Variants in CLSTN2 observed in about 807,000 individuals in gnomAD.
CLSTN2 encodes calsyntenin 2.
A neutral mutation model predicts 101.2 loss-of-function variants in CLSTN2; 48 were observed. The observed-to-expected ratio is 0.47, with a 90% CI of 0.38 to 0.60. The LOEUF is 0.60. Ranked by LOEUF, CLSTN2 falls within the 20% of genes least tolerant of loss-of-function variation. The pLI is 0.00. For missense variants in CLSTN2, 1,160 were observed against 1,238.2 expected (o/e 0.94, Z 0.95); for synonymous variants, 481 against 463.6 (o/e 1.04, Z -0.48).
intron 5 of CLSTN2, among the ~76,000 whole-genome samples, chr3:140,439,109 G>A (rs35757937): frequency 0.16 from 24,060 of 152,246 alleles, 2,434 homozygotes; most frequent in South Asian, 0.32. Context: ...ATGCTGGCAT[G>A]AGGGAACCAC....
chr3:140,080,846 G>A (rs963246261), intron 1 of CLSTN2, among the ~76,000 whole-genome samples: 1 of 152,292 alleles, frequency 6.6e-6, no homozygotes, highest in East Asian at 1.9e-4. Flanking sequence ...GGGTGAGTGC[G>A]TGGTGTGTTA....
chr3:140,499,208 A>C (rs1219063159), intron 8 of CLSTN2, among the ~76,000 whole-genome samples: 1 of 152,188 alleles, frequency 6.6e-6, no homozygotes, highest in African/African-American at 2.4e-5. Context: ...AGCTTCCACT[A>C]ACCCACTATG....
chr3:140,498,576 T>C (rs537942522), intron 8 of CLSTN2, among the ~76,000 whole-genome samples: 1 of 152,378 alleles, frequency 6.6e-6, no homozygotes, highest in South Asian at 2.1e-4. Flanking sequence ...AAATCTTGTA[T>C]TGATTTTATT....
intron 1 of CLSTN2, among the ~76,000 whole-genome samples, chr3:139,981,707 G>T (rs1376048324): frequency 6.6e-6 from 1 of 152,234 alleles, no homozygotes; most frequent in Admixed American, 6.5e-5. Context: ...CTATGTAGCT[G>T]CTTTGTGAGG....
chr3:140,497,426 C>T (rs1250461257), intron 8 of CLSTN2, among the ~76,000 whole-genome samples: 1 of 152,082 alleles, frequency 6.6e-6, no homozygotes, highest in Non-Finnish European at 1.5e-5. Context: ...CTGTGCTGTG[C>T]TATGGGGGAT....
chr3:140,391,305 T>G (rs2088111262), intron 2 of CLSTN2, among the ~76,000 whole-genome samples: 1 of 128,784 alleles, frequency 7.8e-6, no homozygotes, highest in South Asian at 2.5e-4. Context: ...TCCTCCAGGT[T>G]TCAGCTCCCC....
At chr3:140,362,936 G>A (rs1311431621) in intron 2 of CLSTN2, among the ~76,000 whole-genome samples, 3 of 152,058 alleles carry the variant, frequency 2.0e-5, no homozygotes, top group South Asian at 2.1e-4. Flanking sequence ...TTCCTAAAAC[G>A]TTAAATATAA....
chr3:140,180,718 G>T (rs1049962993), intron 2 of CLSTN2, among the ~76,000 whole-genome samples: 1 of 152,170 alleles, frequency 6.6e-6, no homozygotes, highest in African/African-American at 2.4e-5. Flanking sequence ...GGACAGGGCT[G>T]CAGAGAATGA....
At chr3:140,206,690 T>C (rs898754350) in intron 2 of CLSTN2, among the ~76,000 whole-genome samples, 1 of 152,210 alleles carries the variant, frequency 6.6e-6, no homozygotes, top group Non-Finnish European at 1.5e-5. Flanking sequence ...GGAGAGAGGC[T>C]GAGACTAGGT....
In CLSTN2 at chr3:140,044,964, T is replaced by A; in HGVS notation, c.109+109481T>A. Among the ~76,000 whole-genome samples the A allele has an allele frequency of 1.3e-5, 2 of 152,242 alleles. 1 individual carries two copies. Among genetic ancestry groups the A allele is most frequent in the Non-Finnish European group, 2.9e-5 (2 of 68,048 alleles). Reference sequence around the variant, plus strand: ...TTATTGAGGATTTTTGCATCGATGTTCATCAGGGATATTGGTCTAAAATTA... The same window carrying A: ...TTATTGAGGATTTTTGCATCGATGTACATCAGGGATATTGGTCTAAAATTA... On this transcript the variant is annotated intron_variant, in intron 1 of 16. Transcript: ENST00000458420.
chr3:140,225,923 A>AG (rs1460602297), intron 2 of CLSTN2, among the ~76,000 whole-genome samples: 1 of 152,124 alleles, frequency 6.6e-6, no homozygotes, highest in Non-Finnish European at 1.5e-5. Flanking sequence ...TTTTTAAAAA[A>AG]AAAAGGACTC....
At chr3:140,097,607 T>C (rs1036505363) in intron 1 of CLSTN2, among the ~76,000 whole-genome samples, 2 of 152,182 alleles carry the variant, frequency 1.3e-5, no homozygotes, top group Non-Finnish European at 2.9e-5. Flanking sequence ...TCCCACTCCA[T>C]GTGCTTTCGA....
intron 1 of CLSTN2, among the ~76,000 whole-genome samples, chr3:140,010,014 GGT>G (rs1385265759): frequency 6.6e-6 from 1 of 152,092 alleles, no homozygotes; most frequent in Non-Finnish European, 1.5e-5. Context: ...CCTCAGACTA[GGT>G]GTGTATTATT....
At chr3:140,033,453 A>G (rs987765484) in intron 1 of CLSTN2, among the ~76,000 whole-genome samples, 1 of 152,186 alleles carries the variant, frequency 6.6e-6, no homozygotes, top group African/African-American at 2.4e-5. Context: ...TTCCATTCCA[A>G]TGGTACCTTT....
At chr3:140,484,081 G>A (rs1934186431) in intron 8 of CLSTN2, among the ~76,000 whole-genome samples, 1 of 152,214 alleles carries the variant, frequency 6.6e-6, no homozygotes, top group Admixed American at 6.5e-5. Flanking sequence ...AATTTGGCAT[G>A]TTTTTGCAGT....
intron 1 of CLSTN2, among the ~76,000 whole-genome samples, chr3:140,093,109 G>T (rs1358905355): frequency 5.9e-5 from 9 of 152,146 alleles, no homozygotes; most frequent in Admixed American, 1.3e-4. Flanking sequence ...GGTGGGGAGA[G>T]AGAGAGGCTT....
chr3:140,390,214 TTC>T (rs988812558), intron 2 of CLSTN2, among the ~76,000 whole-genome samples: 1 of 152,162 alleles, frequency 6.6e-6, no homozygotes, highest in South Asian at 2.1e-4. Context: ...TGATTTTATA[TTC>T]TCTTTCTTTT....
In CLSTN2 at chr3:140,362,624, AAATC is replaced by A. The variant is rs537024736; in HGVS notation, c.233-41002_233-40999del. On this transcript the variant is annotated intron_variant, in intron 2 of 16. Transcript: ENST00000458420. ...ACTCTTACAATTTAATAATAAGAGA[AAATC>A]AACCCAATTTTTAAAATGGGAAAAA... Among the ~76,000 whole-genome samples the A allele has an allele frequency of 3.2e-3, 485 of 152,326 alleles. 3 individuals carry two copies. Among genetic ancestry groups the A allele is most frequent in the African/African-American group, 0.01 (433 of 41,590 alleles).
chr3:140,191,435 G>C (rs1159470787), intron 2 of CLSTN2, among the ~76,000 whole-genome samples: 1 of 152,014 alleles, frequency 6.6e-6, no homozygotes, highest in Non-Finnish European at 1.5e-5. Flanking sequence ...GAATTGGGAA[G>C]TGTCCCCTCC....
Sources: gnomAD v4.1 joint callset for allele counts (sites outside exome capture counted in the v4.1 genomes callset) on GRCh38, gnomAD v4.1.1 for gene constraint, MANE v1.5 for transcripts, NCBI Gene and HGNC (gene_info 2026-07-23, HGNC 2026-07-21) for gene names.